C13orf42: variants seen among roughly 807,000 people sequenced by gnomAD.
C13orf42 encodes uncharacterized protein C13orf42.
At chr13:51,103,183 T>C (rs564043449) in intron 1 of C13orf42, among the ~76,000 whole-genome samples, 21 of 152,262 alleles carry the variant, frequency 1.4e-4, no homozygotes, top group African/African-American at 4.8e-4. Flanking sequence ...GTCGCCAGCC[T>C]CCCAAGCCTC....
chr13:51,109,520 G>A lies in C13orf42; in HGVS notation c.414+1276C>T, dbSNP rs554739341. Among the ~76,000 whole-genome samples the A allele has an allele frequency of 4.6e-5, 7 of 152,244 alleles. No individual in the cohort carries two copies. The East Asian group carries it at 7.7e-4, about 17-fold the overall frequency. Reference sequence around the variant, plus strand: ...CCCAGCAACTTTGGGAGACCAAGGCGGGAGGACTGCTTGAGGTCAGGAGTT... The same window carrying A: ...CCCAGCAACTTTGGGAGACCAAGGCAGGAGGACTGCTTGAGGTCAGGAGTT... On this transcript the variant is annotated intron_variant, in intron 1 of 3. Coordinates refer to ENST00000563710, the MANE Select transcript of C13orf42 (RefSeq NM_001351589.3).
At chr13:51,139,977 C>A (rs546571287) in intron 1 of C13orf42, among the ~76,000 whole-genome samples, 1 of 152,078 alleles carries the variant, frequency 6.6e-6, no homozygotes, top group African/African-American at 2.4e-5. Context: ...GATTGCGACC[C>A]TTTTTTGGTA....
chr13:51,149,751 T>G (rs1953765589), intron 1 of C13orf42, among the ~76,000 whole-genome samples: 1 of 152,220 alleles, frequency 6.6e-6, no homozygotes, highest in African/African-American at 2.4e-5. Flanking sequence ...ATCTTTGAAG[T>G]CATTTAGCAT....
intron 1 of C13orf42, among the ~76,000 whole-genome samples, chr13:51,148,855 C>T (rs1357078410): frequency 6.6e-6 from 1 of 152,220 alleles, no homozygotes; most frequent in Non-Finnish European, 1.5e-5. Context: ...GCCTCCACGC[C>T]CTGGCTGCCC....
At chr13:51,114,655 C>G (rs4942953), upstream of C13orf42, among the ~76,000 whole-genome samples, 26,953 of 120,316 alleles carry the variant, frequency 0.22, 2,907 homozygotes, top group South Asian at 0.31. Context: ...TAGAGATAGA[C>G]AGACAGACAG....
chr13:51,099,156 G>T (rs1400845886), intron 1 of C13orf42, among the ~76,000 whole-genome samples: 1 of 152,080 alleles, frequency 6.6e-6, no homozygotes, highest in Admixed American at 6.6e-5. Flanking sequence ...TTGGGATGGA[G>T]GTACAGGACC....
At chr13:51,121,536 T>TCC (rs1953535494) in intron 1 of C13orf42, among the ~76,000 whole-genome samples, 1 of 112,166 alleles carries the variant, frequency 8.9e-6, no homozygotes, top group South Asian at 4.0e-4. Flanking sequence ...GAAAAAAATT[T>TCC]TCTTTTTTTT....
chr13:51,131,275 G>A (rs1953614610), intron 1 of C13orf42, among the ~76,000 whole-genome samples: 2 of 152,204 alleles, frequency 1.3e-5, no homozygotes, highest in South Asian at 4.1e-4. Flanking sequence ...AGGCAACATA[G>A]TGCAATAAGA....
intron 1 of C13orf42, among the ~76,000 whole-genome samples, chr13:51,097,025 A>T (rs1953241221): frequency 6.6e-6 from 1 of 152,230 alleles, no homozygotes; most frequent in Non-Finnish European, 1.5e-5. Context: ...AAAAAGGAGC[A>T]TACCATGTAC....
intron 1 of C13orf42, among the ~76,000 whole-genome samples, chr13:51,108,045 A>G (rs1030340249): frequency 1.4e-4 from 21 of 152,158 alleles, no homozygotes; most frequent in African/African-American, 4.1e-4. Context: ...GGTGCTGGTG[A>G]AGGGTCTGTT....
intron 1 of C13orf42, among the ~76,000 whole-genome samples, chr13:51,096,172 T>C (rs1953233030): frequency 6.6e-6 from 1 of 152,224 alleles, no homozygotes; most frequent in African/African-American, 2.4e-5. Flanking sequence ...CAATGTCTGC[T>C]GCATCCTCAG....
At chr13:51,091,442 G>A (rs1364845307) in intron 1 of C13orf42, among the ~76,000 whole-genome samples, 1 of 152,098 alleles carries the variant, frequency 6.6e-6, no homozygotes, top group African/African-American at 2.4e-5. Flanking sequence ...ACAAATGTAA[G>A]TGAATAAACA....
chr13:51,116,037 C>T (rs770630500), upstream of C13orf42, among the ~76,000 whole-genome samples: 3 of 151,992 alleles, frequency 2.0e-5, no homozygotes, highest in Non-Finnish European at 4.4e-5. Flanking sequence ...CTACACCATC[C>T]CTTCTTACTT....
At chr13:51,138,139 A>G (rs556333524) in intron 1 of C13orf42, among the ~76,000 whole-genome samples, 1 of 152,310 alleles carries the variant, frequency 6.6e-6, no homozygotes, top group East Asian at 1.9e-4. Context: ...GGAGGGGCAG[A>G]GGATCCCCAA....
chr13:51,122,017 G>A (rs1416190099), intron 1 of C13orf42, among the ~76,000 whole-genome samples: 1 of 152,030 alleles, frequency 6.6e-6, no homozygotes, highest in African/African-American at 2.4e-5. Context: ...TTACGTGTCT[G>A]TATAATAAAT....
chr13:51,112,979 T>C (rs1167592927), upstream of C13orf42, among the ~76,000 whole-genome samples: 1 of 152,180 alleles, frequency 6.6e-6, no homozygotes, highest in Non-Finnish European at 1.5e-5. Context: ...TGACTGAACT[T>C]CTTCTCAGAG....
At chr13:51,145,206 T>C (rs78097901) in intron 1 of C13orf42, among the ~76,000 whole-genome samples, 1 of 152,220 alleles carries the variant, frequency 6.6e-6, no homozygotes, top group South Asian at 2.1e-4. Flanking sequence ...TAAAACCCTG[T>C]GAACTGAAGC....
At chr13:51,116,317 G>C (rs1165897333) in intron 1 of C13orf42, among the ~76,000 whole-genome samples, 1 of 152,190 alleles carries the variant, frequency 6.6e-6, no homozygotes, top group Non-Finnish European at 1.5e-5. Flanking sequence ...GGCTGGGTTG[G>C]AGAAAGTTGG....
In C13orf42 at chr13:51,082,437, C is replaced by A. The variant is rs551721675; in HGVS notation, c.*1714G>T. 1.3e-5 allele frequency: 2 copies of A among 152,224 alleles called. No individual in the cohort carries two copies. Among genetic ancestry groups the A allele is most frequent in the African/African-American group, 4.8e-5 (2 of 41,562 alleles). 9.4% of individuals were successfully genotyped at this position (152,224 alleles called of 1,614,324 possible). On this transcript the variant is annotated 3_prime_UTR_variant, in exon 4 of 4. Coordinates refer to ENST00000563710, the MANE Select transcript of C13orf42 (RefSeq NM_001351589.3). Reference sequence around the variant, plus strand: ...ATCCTCGCAGTCATGTTTATTTTTTCTTATCTTTAAAAACAAAATGTACAC... The same window carrying A: ...ATCCTCGCAGTCATGTTTATTTTTTATTATCTTTAAAAACAAAATGTACAC...
Sources: allele counts gnomAD v4.1 joint callset (sites outside exome capture counted in the v4.1 genomes callset), GRCh38; gene constraint gnomAD v4.1.1; transcripts MANE v1.5; gene names NCBI Gene and HGNC (gene_info 2026-07-23, HGNC 2026-07-21).